Variants in UNC13C observed in about 807,000 individuals in gnomAD.
UNC13C encodes the protein unc-13 homolog C, also known as protein unc-13 homolog C.
A neutral mutation model predicts 245.4 loss-of-function variants in UNC13C; 174 were observed. The observed-to-expected ratio is 0.71, with a 90% confidence interval of 0.63 to 0.80. The LOEUF (loss-of-function observed/expected upper bound fraction) is 0.80, where lower values mean the gene tolerates loss of function less well. UNC13C is among the 30% of genes least tolerant of loss of function. The probability of loss-of-function intolerance (pLI) is 0.00; values close to 1 mark genes in which losing one functional copy is unlikely to be tolerated. For missense variants in UNC13C, 2,829 were observed against 2,602.9 expected (o/e 1.09, Z -1.89); for synonymous variants, 992 against 895.1 (o/e 1.11, Z -1.93).
intron 30 of UNC13C, among the ~76,000 whole-genome samples, chr15:54,603,386 A>C (rs2250692): frequency 0.055 from 8,447 of 152,234 alleles, 790 homozygotes; most frequent in African/African-American, 0.19. Flanking sequence ...TTTGAAGAAC[A>C]CACCCTGTAT....
intron 2 of UNC13C, among the ~76,000 whole-genome samples, chr15:54,142,357 A>T (rs1042031846): frequency 2.0e-5 from 3 of 152,174 alleles, no homozygotes; most frequent in Non-Finnish European, 4.4e-5. Flanking sequence ...ACCAGATGGG[A>T]GATCAGGAGC....
intron 2 of UNC13C, among the ~76,000 whole-genome samples, chr15:54,070,445 TG>T (rs1232366020): frequency 6.6e-6 from 1 of 152,148 alleles, no homozygotes; most frequent in African/African-American, 2.4e-5. Context: ...TACCACCAGC[TG>T]CAAGTAAAAG....
the UNC13C span, among the ~76,000 whole-genome samples, chr15:53,957,597 T>TAA: frequency 6.6e-6 from 1 of 152,200 alleles, no homozygotes; most frequent in Non-Finnish European, 1.5e-5. Flanking sequence ...AGTAGTACAG[T>TAA]AAAAAATCCT....
intron 4 of UNC13C, among the ~76,000 whole-genome samples, chr15:54,176,382 G>T (rs569020479): frequency 6.6e-6 from 1 of 152,208 alleles, no homozygotes; most frequent in South Asian, 2.1e-4. Context: ...AACTTAGGTT[G>T]TCTGTTCTGT....
the UNC13C span, among the ~76,000 whole-genome samples, chr15:53,908,026 G>A: frequency 6.8e-6 from 1 of 146,868 alleles, no homozygotes; most frequent in Admixed American, 7.0e-5. Flanking sequence ...CAATTACTGA[G>A]TAGTTAGAAA....
chr15:54,535,949 C>T (rs1895965112), intron 26 of UNC13C, among the ~76,000 whole-genome samples: 1 of 151,694 alleles, frequency 6.6e-6, no homozygotes, highest in Non-Finnish European at 1.5e-5. Context: ...AATCATAAAC[C>T]AACCGAAAAG....
chr15:54,472,955 C>T (rs1892537973), intron 19 of UNC13C, among the ~76,000 whole-genome samples: 1 of 151,730 alleles, frequency 6.6e-6, no homozygotes, highest in Non-Finnish European at 1.5e-5. Context: ...TGAATGATCC[C>T]ATTACCGAGG....
Position 54,507,122 on chromosome 15 carries a change from C to T in UNC13C, c.5307C>T (p.Ile1769=). The T allele has an allele frequency of 6.3e-7, 1 of 1,592,556 alleles. No homozygotes were observed. The highest frequency in any genetic ancestry group is 8.6e-7 in the Non-Finnish European group (1 of 1,167,576). Residue 1769 remains isoleucine (I), a synonymous_variant, in exon 23 of 33, where the codon ATC becomes ATT. Coordinates refer to ENST00000260323, the MANE Select transcript of UNC13C (RefSeq NM_001080534.3). ...SHLMRRFAKT[I]NKVLLQYAAI... is the part of the protein sequence containing the mutation. ...CACAATGTTTTCTTTCTTAGACTATCAATAAAGTGCTGCTCCAGTATGCTG... is the reference window on the plus strand; with the variant it reads ...CACAATGTTTTCTTTCTTAGACTATTAATAAAGTGCTGCTCCAGTATGCTG...
chr15:54,630,950 GTTTC>G (rs1431762940), downstream of UNC13C: 1 of 151,876 alleles, frequency 6.6e-6, no homozygotes, highest in Non-Finnish European at 1.5e-5. Context: ...ATTAGTACAT[GTTTC>G]TTCTTATAAT....
chr15:53,993,270 C>G (rs766526299), intron 1 of UNC13C, among the ~76,000 whole-genome samples: 3 of 152,114 alleles, frequency 2.0e-5, no homozygotes, highest in Non-Finnish European at 2.9e-5. Flanking sequence ...ACAGGAAACT[C>G]TGATGCCAAT....
intron 28 of UNC13C, among the ~76,000 whole-genome samples, chr15:54,552,469 A>T (rs1896801235): frequency 3.9e-4 from 1 of 2,546 alleles, no homozygotes; most frequent in African/African-American, 2.7e-3. Context: ...TATATATTAC[A>T]ATATATAATA....
chr15:54,202,603 T>C (rs1041432967), intron 4 of UNC13C, among the ~76,000 whole-genome samples: 7 of 152,050 alleles, frequency 4.6e-5, no homozygotes, highest in Admixed American at 6.6e-5. Context: ...CTGGGATAAT[T>C]GGCAAGCCAC....
chr15:54,449,009 G>A (rs896802859), intron 19 of UNC13C, among the ~76,000 whole-genome samples: 1 of 152,100 alleles, frequency 6.6e-6, no homozygotes, highest in African/African-American at 2.4e-5. Context: ...GTCTGTAAAG[G>A]ATTTTATTTC....
chr15:54,100,407 T>C (rs149380858), intron 2 of UNC13C, among the ~76,000 whole-genome samples: 1 of 152,296 alleles, frequency 6.6e-6, no homozygotes, highest in Non-Finnish European at 1.5e-5. Context: ...TCATTTAGCT[T>C]TCCTCCTACC....
At chr15:53,847,358 T>C in the UNC13C span, among the ~76,000 whole-genome samples, 7 of 139,240 alleles carry the variant, frequency 5.0e-5, no homozygotes, top group African/African-American at 1.9e-4. Context: ...TCATTAGCTA[T>C]TTTTTTTTTT....
At chr15:53,843,990 C>A in the UNC13C span, among the ~76,000 whole-genome samples, 2 of 152,114 alleles carry the variant, frequency 1.3e-5, no homozygotes, top group East Asian at 3.9e-4. Context: ...AACAGAAGAG[C>A]CTGAGCATGC....
intron 30 of UNC13C, among the ~76,000 whole-genome samples, chr15:54,579,157 TAA>T (rs917273381): frequency 2.6e-5 from 4 of 152,134 alleles, no homozygotes; most frequent in Non-Finnish European, 5.9e-5. Flanking sequence ...CTTAAGTTAA[TAA>T]AAGTTAGGAT....
the UNC13C span, among the ~76,000 whole-genome samples, chr15:53,882,943 G>A: frequency 6.6e-6 from 1 of 152,066 alleles, no homozygotes; most frequent in Non-Finnish European, 1.5e-5. Context: ...ATAACTAATG[G>A]ACACTAGGCT....
intron 10 of UNC13C, among the ~76,000 whole-genome samples, chr15:54,283,009 C>G (rs183482726): frequency 6.6e-6 from 1 of 151,946 alleles, no homozygotes; most frequent in East Asian, 1.9e-4. Context: ...CAAAGGTGGA[C>G]ATGAAAACGT....
Sources: gnomAD v4.1 joint callset for allele counts (sites outside exome capture counted in the v4.1 genomes callset) on GRCh38, gnomAD v4.1.1 for gene constraint, MANE v1.5 for transcripts, NCBI Gene and HGNC (gene_info 2026-07-23, HGNC 2026-07-21) for gene names.